PTPRD: variants seen among roughly 807,000 people sequenced by gnomAD.
The protein encoded by PTPRD is receptor-type tyrosine-protein phosphatase delta.
Under a neutral mutation model 214.5 loss-of-function variants are expected in PTPRD, and 34 were observed. That is an observed-to-expected ratio of 0.16 (90% CI 0.12 to 0.21). The LOEUF (loss-of-function observed/expected upper bound fraction) is 0.21, where lower values mean the gene tolerates loss of function less well. Ranked by LOEUF, PTPRD falls within the 10% of genes least tolerant of loss-of-function variation. The pLI is 1.00. For missense variants in PTPRD, 2,545 were observed against 2,398.7 expected, an observed-to-expected ratio of 1.06 and a Z score of -1.27; for synonymous variants, 1,128 against 845.7, an observed-to-expected ratio of 1.33 and a Z score of -5.79.
At chr9:10,033,395 G>A (rs927550677) in intron 4 of PTPRD, among the ~76,000 whole-genome samples, 2 of 151,586 alleles carry the variant, frequency 1.3e-5, no homozygotes, top group Admixed American at 6.6e-5. Context: ...TATTGCTTGT[G>A]AGCCAAGGTG....
intron 9 of PTPRD, among the ~76,000 whole-genome samples, chr9:9,384,643 C>A (rs10977704): frequency 0.23 from 35,521 of 151,530 alleles, 4,239 homozygotes; most frequent in Middle Eastern, 0.37. Context: ...CTTTCTTACC[C>A]TGGTTGTTAA....
intron 8 of PTPRD, among the ~76,000 whole-genome samples, chr9:9,489,199 C>T (rs558651597): frequency 6.6e-6 from 1 of 152,254 alleles, no homozygotes; most frequent in African/African-American, 2.4e-5. Context: ...ATCTGGAAAA[C>T]TTTAAGCTTA....
chr9:9,541,759 G>A (rs140986795), intron 8 of PTPRD, among the ~76,000 whole-genome samples: 5 of 151,876 alleles, frequency 3.3e-5, no homozygotes, highest in African/African-American at 1.2e-4. Flanking sequence ...ACTGAGGCAC[G>A]CAGAGAATAT....
chr9:9,888,229 G>T (rs771110768), intron 5 of PTPRD, among the ~76,000 whole-genome samples: 1 of 152,170 alleles, frequency 6.6e-6, no homozygotes. Flanking sequence ...TCAGTGAAGT[G>T]AAAGTAGAAT....
At chr9:9,313,927 T>C (rs1046412811) in intron 9 of PTPRD, among the ~76,000 whole-genome samples, 2 of 152,166 alleles carry the variant, frequency 1.3e-5, no homozygotes, top group Non-Finnish European at 2.9e-5. Context: ...GGAAACAAGA[T>C]TCCTTTGTCT....
chr9:10,192,151 T>C (rs1417146402), intron 3 of PTPRD, among the ~76,000 whole-genome samples: 1 of 152,120 alleles, frequency 6.6e-6, no homozygotes, highest in Non-Finnish European at 1.5e-5. Flanking sequence ...TCAAGAGTAA[T>C]GACCCTTAGG....
At chr9:9,760,633 CACACACACACACACACACACAT>C (rs1196968073) in intron 6 of PTPRD, among the ~76,000 whole-genome samples, 203 of 139,024 alleles carry the variant, frequency 1.5e-3, no homozygotes, top group African/African-American at 3.0e-3. Context: ...CACACACACA[CACACACACACACACACACACAT>C]ATATATATAT....
Position 8,316,239 on chromosome 9 carries a change from T to TAAAC in PTPRD, c.*1631_*1634dup, listed in dbSNP as rs2130240310. The TAAAC allele has an allele frequency of 1.3e-5, 3 of 230,054 alleles. No individual in the cohort carries two copies. The highest frequency in any genetic ancestry group is 1.8e-4 in the South Asian group (1 of 5,498). 14.3% of individuals were successfully genotyped at this position (230,054 alleles called of 1,614,324 possible). A position where few individuals can be genotyped will look rare whatever the true frequency, so the allele number is the denominator to read the frequency against. ...ATTCAAAGAGTTTTTGTACATGTGG[T>TAAAC]AAACAGATAATGCTTTAATAGAAAG... On this transcript the variant is annotated 3_prime_UTR_variant, in exon 46 of 46. Coordinates refer to ENST00000381196, the MANE Select transcript of PTPRD (RefSeq NM_002839.4).
At position 10,221,669 on chromosome 9, in the gene PTPRD, T is replaced by C. The variant is rs139015306; in HGVS notation, c.-545+119294A>G. On this transcript the variant is annotated intron_variant, in intron 3 of 45. Coordinates refer to ENST00000381196, the MANE Select transcript of PTPRD (RefSeq NM_002839.4). ...CTCCCTTCTGGTGTGTATAAATAGA[T>C]GTATTTTTAAGAAGCATTAAGTACA... is the stretch of plus-strand genomic sequence containing the variant. 4.0e-3 allele frequency among the ~76,000 whole-genome samples: 612 copies of C among 152,138 alleles called. 4 individuals carry two copies. The highest frequency in any genetic ancestry group is 0.013 in the African/African-American group (528 of 41,568).
intron 11 of PTPRD, among the ~76,000 whole-genome samples, chr9:8,769,745 T>C (rs896391253): frequency 3.9e-5 from 6 of 152,102 alleles, no homozygotes; most frequent in Non-Finnish European, 8.8e-5. Context: ...TTGTTTTATA[T>C]TTCTAAAACA....
intron 14 of PTPRD, among the ~76,000 whole-genome samples, chr9:8,567,946 C>A (rs2089908736): frequency 6.6e-6 from 1 of 152,010 alleles, no homozygotes; most frequent in Non-Finnish European, 1.5e-5. Context: ...ATATTAAAGT[C>A]ATCACTATGA....
intron 9 of PTPRD, among the ~76,000 whole-genome samples, chr9:9,205,636 T>G (rs952722901): frequency 3.9e-5 from 6 of 152,322 alleles, no homozygotes; most frequent in African/African-American, 1.4e-4. Flanking sequence ...TTTTATATCT[T>G]TTTTGTGGCT....
At chr9:9,140,612 T>A (rs1188246512) in intron 10 of PTPRD, among the ~76,000 whole-genome samples, 1 of 152,204 alleles carries the variant, frequency 6.6e-6, no homozygotes, top group Non-Finnish European at 1.5e-5. Context: ...GGAGTCTCGC[T>A]CTGTCGCCCA....
chr9:9,247,559 G>T (rs369927592), intron 9 of PTPRD, among the ~76,000 whole-genome samples: 1 of 151,914 alleles, frequency 6.6e-6, no homozygotes, highest in South Asian at 2.1e-4. Context: ...AAATCAAAAC[G>T]AATTTAAAAT....
intron 7 of PTPRD, among the ~76,000 whole-genome samples, chr9:9,666,478 C>T (rs139601760): frequency 4.6e-5 from 7 of 152,052 alleles, no homozygotes; most frequent in South Asian, 2.1e-4. Context: ...GTGGCTTTTA[C>T]TTTCTCCTTT....
At chr9:8,814,709 A>G (rs1391295307) in intron 11 of PTPRD, among the ~76,000 whole-genome samples, 1 of 152,248 alleles carries the variant, frequency 6.6e-6, no homozygotes, top group African/African-American at 2.4e-5. Context: ...ACCAAGGATG[A>G]GGAAGAAGTG....
chr9:9,370,518 T>C (rs1055509414), intron 9 of PTPRD, among the ~76,000 whole-genome samples: 4 of 151,330 alleles, frequency 2.6e-5, no homozygotes, highest in African/African-American at 7.3e-5. Context: ...TGAGCTGAGA[T>C]GATGGGGTTT....
intron 2 of PTPRD, among the ~76,000 whole-genome samples, chr9:10,396,021 G>C (rs112410275): frequency 3.1e-4 from 47 of 151,520 alleles, no homozygotes; most frequent in Admixed American, 3.0e-3. Context: ...GAAAGGGAGA[G>C]GGGTAATGAT....
At chr9:8,614,674 T>C (rs376266058) in intron 14 of PTPRD, among the ~76,000 whole-genome samples, 3 of 152,238 alleles carry the variant, frequency 2.0e-5, no homozygotes, top group South Asian at 2.1e-4. Context: ...ATAAGGGATC[T>C]GGCACATTGG....
Sources: allele counts gnomAD v4.1 joint callset (sites outside exome capture counted in the v4.1 genomes callset), GRCh38; gene constraint gnomAD v4.1.1; transcripts MANE v1.5; gene names NCBI Gene and HGNC (gene_info 2026-07-23, HGNC 2026-07-21).